NAALADL2: variants seen among roughly 807,000 people sequenced by gnomAD.
NAALADL2 encodes the protein N-acetylated alpha-linked acidic dipeptidase like 2, also known as inactive N-acetylated-alpha-linked acidic dipeptidase-like protein 2.
In NAALADL2, 76 loss-of-function variants were observed where a neutral mutation model predicts 87.2. The ratio of observed to expected loss-of-function variants is 0.87; its 90% CI spans 0.72 to 1.05. The LOEUF (loss-of-function observed/expected upper bound fraction) is 1.05. NAALADL2 is among the 50% of genes least tolerant of loss of function. The probability of loss-of-function intolerance (pLI) is 0.00; values close to 1 mark genes in which losing one functional copy is unlikely to be tolerated. For missense variants in NAALADL2, 1,089 were observed against 945.8 expected (o/e 1.15, Z -1.99); for synonymous variants, 354 against 331.0 (o/e 1.07, Z -0.75).
At position 175,538,026 on chromosome 3, in the gene NAALADL2, T is replaced by C. The variant is rs191852550; in HGVS notation, c.1654-38015T>C. On this transcript the variant is annotated intron_variant, in intron 9 of 13. Transcript: ENST00000454872. ...ACACAAATTGTGATTTTCAGATACC[T>C]ACATTTTGTTGAAGTTTTATAAAGC... 2.0e-3 allele frequency among the ~76,000 whole-genome samples: 304 copies of C among 152,332 alleles called. 1 individual carries two copies. The highest frequency in any genetic ancestry group is 6.9e-3 in the African/African-American group (287 of 41,582).
intron 1 of NAALADL2, among the ~76,000 whole-genome samples, chr3:175,021,473 G>A (rs568242464): frequency 1.7e-4 from 26 of 152,132 alleles, no homozygotes; most frequent in African/African-American, 6.3e-4. Context: ...GTATTAAGGG[G>A]CAACACACCC....
Position 175,803,125 on chromosome 3 carries a change from G to A in NAALADL2, c.2310G>A (p.Leu770=), listed in dbSNP as rs1378170936. Residue 770 remains leucine (L), a synonymous_variant, in exon 14 of 14, where the codon TTG becomes TTA. Coordinates refer to ENST00000454872, the MANE Select transcript of NAALADL2 (RefSeq NM_207015.3). The part of the protein sequence containing the change: ...ETLQEALSEV[L]NSINSAQVYF... ...TTCAAGAAGCCCTGTCAGAGGTGTTGAACAGCATTAATTCAGCTCAGGTTT... is the reference window on the plus strand; with the variant it reads ...TTCAAGAAGCCCTGTCAGAGGTGTTAAACAGCATTAATTCAGCTCAGGTTT... 1 of 1,612,378 alleles carries A rather than the reference G, an allele frequency of 6.2e-7. No homozygotes were observed. Among genetic ancestry groups the A allele is most frequent in the African/African-American group, 1.3e-5 (1 of 74,836 alleles).
At chr3:174,450,390 G>A (rs1715399260) in intron 1 of NAALADL2, among the ~76,000 whole-genome samples, 1 of 152,130 alleles carries the variant, frequency 6.6e-6, no homozygotes, top group South Asian at 2.1e-4. Context: ...GCAAGGAAGA[G>A]GATTTGGTTA....
At chr3:174,968,598 G>A (rs548317548) in intron 1 of NAALADL2, among the ~76,000 whole-genome samples, 1 of 152,016 alleles carries the variant, frequency 6.6e-6, no homozygotes, top group East Asian at 1.9e-4. Context: ...TCCTGCCTCA[G>A]CCTCCCGAGT....
At chr3:175,669,444 G>A (rs778622319) in intron 11 of NAALADL2, among the ~76,000 whole-genome samples, 10 of 152,002 alleles carry the variant, frequency 6.6e-5, no homozygotes, top group South Asian at 2.1e-4. Flanking sequence ...CTGATGATGT[G>A]CATCTTTATT....
At chr3:175,053,610 C>A (rs529813973) in intron 1 of NAALADL2, among the ~76,000 whole-genome samples, 1 of 152,290 alleles carries the variant, frequency 6.6e-6, no homozygotes, top group South Asian at 2.1e-4. Context: ...ATAACCTCTG[C>A]CCCAAGTTAT....
chr3:175,162,890 T>G (rs1733444298), intron 2 of NAALADL2, among the ~76,000 whole-genome samples: 1 of 152,152 alleles, frequency 6.6e-6, no homozygotes, highest in South Asian at 2.1e-4. Context: ...TTAGAACATT[T>G]TCTGACCATA....
At chr3:175,015,303 T>C (rs939163860) in intron 1 of NAALADL2, among the ~76,000 whole-genome samples, 1 of 152,076 alleles carries the variant, frequency 6.6e-6, no homozygotes, top group African/African-American at 2.4e-5. Context: ...TATGTATATG[T>C]ATATGTGTGC....
chr3:175,116,360 A>T (rs989361544), intron 2 of NAALADL2, among the ~76,000 whole-genome samples: 2 of 152,120 alleles, frequency 1.3e-5, no homozygotes, highest in Non-Finnish European at 2.9e-5. Flanking sequence ...AAATTTCCTT[A>T]TGCTGATAAG....
At chr3:174,470,255 T>C (rs1716816120) in intron 1 of NAALADL2, among the ~76,000 whole-genome samples, 1 of 152,142 alleles carries the variant, frequency 6.6e-6, no homozygotes, top group South Asian at 2.1e-4. Context: ...ATTAGTGATA[T>C]GGAGCACTTT....
At chr3:175,414,994 GA>G (rs575027282) in intron 5 of NAALADL2, among the ~76,000 whole-genome samples, 68 of 152,234 alleles carry the variant, frequency 4.5e-4, no homozygotes, top group Non-Finnish European at 8.7e-4. Context: ...CTTTTAAGTA[GA>G]AAAATTGTCT....
At chr3:175,597,762 C>T (rs1042470335) in intron 10 of NAALADL2, among the ~76,000 whole-genome samples, 4 of 151,996 alleles carry the variant, frequency 2.6e-5, no homozygotes, top group African/African-American at 9.7e-5. Flanking sequence ...ATCCCCCTCT[C>T]ATCAAAGGAT....
intron 2 of NAALADL2, among the ~76,000 whole-genome samples, chr3:174,662,064 C>T (rs1430151413): frequency 2.6e-5 from 4 of 152,114 alleles, no homozygotes; most frequent in Non-Finnish European, 4.4e-5. Context: ...TCAGTTTCAG[C>T]TTCCTCATCT....
At chr3:175,603,934 C>T (rs143739601) in intron 10 of NAALADL2, among the ~76,000 whole-genome samples, 11 of 152,128 alleles carry the variant, frequency 7.2e-5, no homozygotes, top group African/African-American at 1.9e-4. Flanking sequence ...GTTGAGGCTG[C>T]GAGAACTATG....
chr3:174,679,329 G>C (rs1349901668), intron 2 of NAALADL2, among the ~76,000 whole-genome samples: 1 of 152,060 alleles, frequency 6.6e-6, no homozygotes, highest in African/African-American at 2.4e-5. Context: ...TGGAAACTTA[G>C]AGAGTTTAAA....
intron 11 of NAALADL2, among the ~76,000 whole-genome samples, chr3:175,727,490 C>G (rs561611714): frequency 6.6e-6 from 1 of 152,238 alleles, no homozygotes; most frequent in South Asian, 2.1e-4. Context: ...CCAAATGTTT[C>G]CTGGGATTAC....
intron 1 of NAALADL2, among the ~76,000 whole-genome samples, chr3:174,956,795 T>C (rs1246803566): frequency 6.6e-6 from 1 of 151,954 alleles, no homozygotes; most frequent in Admixed American, 6.6e-5. Flanking sequence ...GAATGTGGGA[T>C]GAGAGGAGCG....
chr3:175,622,953 C>A (rs555260259), intron 10 of NAALADL2, among the ~76,000 whole-genome samples: 71 of 151,874 alleles, frequency 4.7e-4, no homozygotes, highest in African/African-American at 1.5e-3. Context: ...TAACCTAGAT[C>A]CCATTAAAAA....
chr3:174,743,941 G>A (rs1734001294), intron 3 of NAALADL2, among the ~76,000 whole-genome samples: 1 of 151,838 alleles, frequency 6.6e-6, no homozygotes, highest in South Asian at 2.1e-4. Flanking sequence ...CCTTTTAGCA[G>A]TGTTGTATAC....
Sources: gnomAD v4.1 joint callset for allele counts (sites outside exome capture counted in the v4.1 genomes callset) on GRCh38, gnomAD v4.1.1 for gene constraint, MANE v1.5 for transcripts, NCBI Gene and HGNC (gene_info 2026-07-23, HGNC 2026-07-21) for gene names.